Variants in TANK observed in about 807,000 individuals in gnomAD.
The protein encoded by TANK is TRAF family member-associated NF-kappa-B activator.
TANK carries 15 observed loss-of-function variants against 43.6 expected under a neutral mutation model. The ratio of observed to expected loss-of-function variants is 0.34; its 90% CI spans 0.23 to 0.53. The LOEUF (loss-of-function observed/expected upper bound fraction) is 0.53. TANK is among the 20% of genes least tolerant of loss of function. TANK has a pLI of 0.94. For synonymous variants in TANK, 162 were observed against 178.2 expected (o/e 0.91, Z 0.73); for missense variants, 417 against 498.6 (o/e 0.84, Z 1.56).
intron 2 of TANK, among the ~76,000 whole-genome samples, chr2:161,185,691 A>G (rs913298653): frequency 2.9e-4 from 35 of 121,696 alleles, no homozygotes; most frequent in Admixed American, 7.9e-4. Flanking sequence ...GAAGGGGAAT[A>G]TCACACTCTG....
intron 2 of TANK, among the ~76,000 whole-genome samples, chr2:161,190,386 G>T (rs540090277): frequency 2.6e-5 from 4 of 152,098 alleles, no homozygotes; most frequent in Non-Finnish European, 5.9e-5. Flanking sequence ...GTGGAAAATG[G>T]TATGGCAATT....
At chr2:161,166,194 A>G (rs561356766) in intron 1 of TANK, among the ~76,000 whole-genome samples, 1 of 152,372 alleles carries the variant, frequency 6.6e-6, no homozygotes, top group East Asian at 1.9e-4. Flanking sequence ...ATGGAAAAAT[A>G]CAAAATTCAA....
intron 4 of TANK, among the ~76,000 whole-genome samples, chr2:161,211,038 A>G (rs1686865697): frequency 2.6e-5 from 4 of 152,260 alleles, no homozygotes; most frequent in Non-Finnish European, 5.9e-5. Flanking sequence ...TTCATTTACC[A>G]TAACCATTTT....
At chr2:161,169,995 A>G (rs1373246663) in intron 1 of TANK, among the ~76,000 whole-genome samples, 2 of 152,206 alleles carry the variant, frequency 1.3e-5, no homozygotes, top group African/African-American at 4.8e-5. Flanking sequence ...CAAATAGGGA[A>G]CCACCTTCTT....
chr2:161,190,555 A>G (rs1450986435), intron 2 of TANK, among the ~76,000 whole-genome samples: 4 of 152,220 alleles, frequency 2.6e-5, no homozygotes, highest in Admixed American at 2.0e-4. Context: ...AAACAACCCA[A>G]GTGTTCATAA....
intron 2 of TANK, among the ~76,000 whole-genome samples, chr2:161,194,072 G>A (rs1226925060): frequency 6.6e-6 from 1 of 152,042 alleles, no homozygotes; most frequent in East Asian, 1.9e-4. Context: ...TGTTCCATGA[G>A]AGAAATTTCT....
chr2:161,159,616 G>C (rs552429736), upstream of TANK, among the ~76,000 whole-genome samples: 2 of 152,264 alleles, frequency 1.3e-5, no homozygotes, highest in East Asian at 3.9e-4. Flanking sequence ...TTAAATCCTT[G>C]GACTTACTGG....
chr2:161,182,061 C>G (rs1267080), intron 2 of TANK, among the ~76,000 whole-genome samples: 125,158 of 151,988 alleles, frequency 0.82, 51,656 homozygotes, highest in East Asian at 1. Flanking sequence ...GAGAACGTCA[C>G]AGAATTGAAG....
intron 1 of TANK, among the ~76,000 whole-genome samples, chr2:161,178,099 T>C (rs1163612929): frequency 6.6e-6 from 1 of 152,126 alleles, no homozygotes; most frequent in Non-Finnish European, 1.5e-5. Context: ...CTGTGGAAAC[T>C]GGCAGTTCCT....
chr2:161,137,962 G>C (rs191421909), intron 1 of TANK: 1 of 537,622 alleles, frequency 1.9e-6, no homozygotes, highest in Non-Finnish European at 2.4e-6. Flanking sequence ...GCAAAACTCC[G>C]TCTCAAAAAA....
chr2:161,176,255 G>A (rs1486680962), intron 1 of TANK, among the ~76,000 whole-genome samples: 1 of 152,158 alleles, frequency 6.6e-6, no homozygotes, highest in Non-Finnish European at 1.5e-5. Context: ...AGTTCAGGGT[G>A]TTAATATTTG....
At chr2:161,200,510 T>C in intron 2 of TANK, 2 of 982,610 alleles carry the variant, frequency 2.0e-6, no homozygotes, top group South Asian at 9.4e-5. Flanking sequence ...CTTTTGGTCT[T>C]TCCCTCTCAT....
At chr2:161,214,978 T>C (rs1687054647) in intron 4 of TANK, among the ~76,000 whole-genome samples, 1 of 152,216 alleles carries the variant, frequency 6.6e-6, no homozygotes, top group South Asian at 2.1e-4. Flanking sequence ...GCATGCCTGC[T>C]CTTTGTCCAA....
rs750245585 is a variant in TANK at position 161,179,594 on chromosome 2, T to C, written c.-49-20T>C. On this transcript the variant is annotated intron_variant, in intron 1 of 7. Coordinates refer to ENST00000392749, the MANE Select transcript of TANK (RefSeq NM_001199135.3). ...TTATGTAACTTAGTAATTATCTAAA[T>C]TGATCTCATTATTTTGCAGACCTGT... 12 of 1,583,534 alleles carry C rather than the reference T, an allele frequency of 7.6e-6. No individual in the cohort carries two copies. The highest frequency in any genetic ancestry group is 2.3e-5 in the East Asian group (1 of 42,858).
intron 2 of TANK, chr2:161,197,296 A>G (rs1218335321): frequency 2.6e-5 from 4 of 152,218 alleles, no homozygotes; most frequent in African/African-American, 9.7e-5. Flanking sequence ...ACTTCGAACA[A>G]TCAGGTGTTG....
intron 2 of TANK, among the ~76,000 whole-genome samples, chr2:161,194,344 A>G (rs1356505730): frequency 1.3e-5 from 2 of 152,066 alleles, no homozygotes; most frequent in Non-Finnish European, 2.9e-5. Flanking sequence ...TAAAAGAGAA[A>G]AACTGACAAA....
Position 161,216,995 on chromosome 2 carries a change from T to C in TANK, c.328-6920T>C, listed in dbSNP as rs143024865. Among the ~76,000 whole-genome samples the C allele has an allele frequency of 3.1e-3, 479 of 152,346 alleles. 1 individual carries two copies. The highest frequency in any genetic ancestry group is 0.011 in the African/African-American group (462 of 41,586). ...ATAGACGGAATGCTGCTGTAAACAT[T>C]TGTATACAGGTTTCTGTGTGAACAT... On this transcript the variant is annotated intron_variant, in intron 4 of 7. Transcript: ENST00000392749.
intron 2 of TANK, 52 bp from the exon 3 acceptor site, chr2:161,203,435 T>C (rs765445398): frequency 3.3e-6 from 4 of 1,195,756 alleles, no homozygotes; most frequent in Admixed American, 2.1e-5. Flanking sequence ...ATGGTAAATA[T>C]ATGTTCATGT....
At chr2:161,141,152 C>T (rs1332021554) in intron 1 of TANK, among the ~76,000 whole-genome samples, 1 of 152,104 alleles carries the variant, frequency 6.6e-6, no homozygotes, top group Non-Finnish European at 1.5e-5. Context: ...AGCACCACCT[C>T]TATCTAGTTT....
Sources: allele counts gnomAD v4.1 joint callset (sites outside exome capture counted in the v4.1 genomes callset), GRCh38; gene constraint gnomAD v4.1.1; transcripts MANE v1.5; gene names NCBI Gene and HGNC (gene_info 2026-07-23, HGNC 2026-07-21).